ROBO2: variants seen among roughly 807,000 people sequenced by gnomAD.
ROBO2 encodes the protein roundabout guidance receptor 2, also known as roundabout homolog 2.
Under a neutral mutation model 160.8 loss-of-function variants are expected in ROBO2, and 53 were observed. That is an observed-to-expected ratio of 0.33 (90% CI 0.26 to 0.41). The LOEUF (loss-of-function observed/expected upper bound fraction) is 0.41, where lower values mean the gene tolerates loss of function less well. Ranked by LOEUF, ROBO2 falls within the 10% of genes least tolerant of loss-of-function variation. The pLI is 1.00. For synonymous variants in ROBO2, 664 were observed against 611.7 expected (o/e 1.09, Z -1.26); for missense variants, 1,577 against 1,722.4 (o/e 0.92, Z 1.49).
At chr3:76,401,164 A>G (rs1486341986) in intron 2 of ROBO2, among the ~76,000 whole-genome samples, 1 of 151,596 alleles carries the variant, frequency 6.6e-6, no homozygotes, top group Non-Finnish European at 1.5e-5. Context: ...CAGTCATCAC[A>G]GATGAGTTGT....
chr3:76,809,311 T>C (rs1220634062), intron 2 of ROBO2, among the ~76,000 whole-genome samples: 2 of 152,118 alleles, frequency 1.3e-5, no homozygotes, highest in Admixed American at 6.6e-5. Context: ...GATCATTCTC[T>C]TGCTGGTTGT....
chr3:76,048,715 C>G (rs987192822), intron 2 of ROBO2, among the ~76,000 whole-genome samples: 2 of 152,150 alleles, frequency 1.3e-5, no homozygotes, highest in African/African-American at 4.8e-5. Flanking sequence ...AGCAAGGAAG[C>G]TTAGACACAT....
intron 2 of ROBO2, among the ~76,000 whole-genome samples, chr3:76,069,035 T>A (rs1030533116): frequency 1.5e-5 from 2 of 129,530 alleles, no homozygotes; most frequent in Non-Finnish European, 3.5e-5. Flanking sequence ...TTTCCTCTAT[T>A]TAAATGCATT....
chr3:77,107,801 CTAACATT>C (rs141353107), intron 2 of ROBO2, among the ~76,000 whole-genome samples: 1,955 of 152,164 alleles, frequency 0.013, 27 homozygotes, highest in South Asian at 0.066. Flanking sequence ...GTGTGATTAT[CTAACATT>C]TAAGTCTGAA....
At chr3:76,228,047 A>G (rs1704398085) in intron 2 of ROBO2, among the ~76,000 whole-genome samples, 1 of 152,206 alleles carries the variant, frequency 6.6e-6, no homozygotes, top group African/African-American at 2.4e-5. Context: ...TAATGTCAAC[A>G]CTGTGTGTTT....
intron 2 of ROBO2, among the ~76,000 whole-genome samples, chr3:76,824,315 TG>T (rs1460418403): frequency 6.6e-6 from 1 of 152,192 alleles, no homozygotes; most frequent in Non-Finnish European, 1.5e-5. Context: ...TGTTACTACC[TG>T]GAACTACTGA....
chr3:75,947,590 G>C (rs575929311), intron 2 of ROBO2, among the ~76,000 whole-genome samples: 1 of 152,266 alleles, frequency 6.6e-6, no homozygotes, highest in African/African-American at 2.4e-5. Context: ...TGTGGGGAGA[G>C]AGTGTTGATA....
At chr3:77,064,294 A>G (rs1201511935) in intron 1 of ROBO2, among the ~76,000 whole-genome samples, 5 of 152,136 alleles carry the variant, frequency 3.3e-5, no homozygotes, top group Non-Finnish European at 7.4e-5. Flanking sequence ...TGAGTAGTGA[A>G]ATATATTTTT....
chr3:76,623,385 T>C (rs2089369417), intron 2 of ROBO2, among the ~76,000 whole-genome samples: 1 of 152,286 alleles, frequency 6.6e-6, no homozygotes, highest in South Asian at 2.1e-4. Flanking sequence ...TAGAGTAACC[T>C]TGGTAGAAAC....
chr3:77,492,678 T>C (rs2086278998), intron 4 of ROBO2, among the ~76,000 whole-genome samples: 2 of 152,100 alleles, frequency 1.3e-5, no homozygotes, highest in Admixed American at 1.3e-4. Context: ...AAAAATCAGG[T>C]AGACATCTTT....
At chr3:76,928,978 G>C (rs2077160821) in intron 2 of ROBO2, among the ~76,000 whole-genome samples, 1 of 152,096 alleles carries the variant, frequency 6.6e-6, no homozygotes, top group African/African-American at 2.4e-5. Flanking sequence ...CCCCAACCTG[G>C]GCCGGGTGTG....
chr3:77,286,581 T>A (rs997859308), intron 2 of ROBO2, among the ~76,000 whole-genome samples: 5 of 152,126 alleles, frequency 3.3e-5, no homozygotes, highest in Non-Finnish European at 7.3e-5. Flanking sequence ...TAAAAGAACT[T>A]TGCAAATATT....
intron 2 of ROBO2, among the ~76,000 whole-genome samples, chr3:76,672,279 A>T (rs912067785): frequency 2.0e-5 from 3 of 152,030 alleles, no homozygotes; most frequent in African/African-American, 7.2e-5. Flanking sequence ...ATATTTTAAG[A>T]AAGAGTCCCC....
intron 2 of ROBO2, among the ~76,000 whole-genome samples, chr3:76,392,498 A>G (rs1171013510): frequency 2.0e-5 from 3 of 152,150 alleles, no homozygotes; most frequent in Non-Finnish European, 4.4e-5. Context: ...TTAATTCTTT[A>G]TTTTAAAAAA....
intron 2 of ROBO2, among the ~76,000 whole-genome samples, chr3:77,204,530 A>G (rs1350578481): frequency 6.6e-6 from 1 of 152,116 alleles, no homozygotes; most frequent in Non-Finnish European, 1.5e-5. Flanking sequence ...GGCTTTTATA[A>G]TTTTAAAAAT....
intron 2 of ROBO2, among the ~76,000 whole-genome samples, chr3:77,032,105 T>A (rs941206473): frequency 1.3e-5 from 2 of 152,172 alleles, no homozygotes; most frequent in Admixed American, 6.6e-5. Context: ...TACCTTCTAA[T>A]ACTATCACAC....
chr3:76,194,350 GTAAATATATATATATATATA>G lies in ROBO2; in HGVS notation c.109+256751_109+256770del, dbSNP rs1181716631. On this transcript the variant is annotated intron_variant, in intron 2 of 26. Transcript: ENST00000487694. The stretch of plus-strand genomic sequence containing the variant: ...ATATCTATATAAATATGTATGGTGT[GTAAATATATATATATATATA>G]TATATATATATATATAGTGTGAGGA... Among the ~76,000 whole-genome samples, 68 of 42,058 alleles carry G rather than the reference GTAAATATATATATATATATA, an allele frequency of 1.6e-3. 1 individual carries two copies. Among genetic ancestry groups the G allele is most frequent in the Admixed American group, 3.3e-3 (15 of 4,486 alleles). The allele number at this position is 42,058 out of a possible 152,430, so 27.6% of individuals were successfully genotyped here. A position where few individuals can be genotyped will look rare whatever the true frequency, so the allele number is the denominator to read the frequency against.
At chr3:75,919,155 C>T (rs1311884462) in intron 1 of ROBO2, among the ~76,000 whole-genome samples, 1 of 152,032 alleles carries the variant, frequency 6.6e-6, no homozygotes, top group African/African-American at 2.4e-5. Context: ...GGCCATTTAG[C>T]ATGATATTAG....
At chr3:76,424,138 ATG>A (rs2076113258) in intron 2 of ROBO2, among the ~76,000 whole-genome samples, 1 of 152,202 alleles carries the variant, frequency 6.6e-6, no homozygotes, top group Non-Finnish European at 1.5e-5. Context: ...GCTTAGCAAT[ATG>A]TGTCTTTGTC....
Sources: gnomAD v4.1 joint callset for allele counts (sites outside exome capture counted in the v4.1 genomes callset) on GRCh38, gnomAD v4.1.1 for gene constraint, MANE v1.5 for transcripts, NCBI Gene and HGNC (gene_info 2026-07-23, HGNC 2026-07-21) for gene names.